IGSF11: variants seen among roughly 807,000 people sequenced by gnomAD.
IGSF11 encodes the protein CXADR like 1.
A neutral mutation model predicts 41.0 loss-of-function variants in IGSF11; 22 were observed. That is an observed-to-expected ratio of 0.54 (90% CI 0.38 to 0.77). The LOEUF is 0.77. Among genes scored for constraint, IGSF11 ranks in the 30% least tolerant of loss-of-function variants. IGSF11 has a pLI of 0.00. For synonymous variants in IGSF11, 219 were observed against 201.3 expected (o/e 1.09, Z -0.74); for missense variants, 444 against 530.8 (o/e 0.84, Z 1.61).
At chr3:118,974,419 T>G (rs1459464520) in intron 1 of IGSF11, among the ~76,000 whole-genome samples, 1 of 152,192 alleles carries the variant, frequency 6.6e-6, no homozygotes, top group Non-Finnish European at 1.5e-5. Flanking sequence ...ACTAATGTGT[T>G]GGCAATTGCA....
upstream of IGSF11, among the ~76,000 whole-genome samples, chr3:119,105,442 C>T (rs976118646): frequency 2.6e-5 from 4 of 152,068 alleles, no homozygotes; most frequent in Admixed American, 1.3e-4. Context: ...TATGGGATTA[C>T]CCACAGTTGT....
chr3:119,109,585 T>A (rs1261873938), upstream of IGSF11, among the ~76,000 whole-genome samples: 1 of 152,150 alleles, frequency 6.6e-6, no homozygotes, highest in Non-Finnish European at 1.5e-5. Flanking sequence ...GTGTCTCTAT[T>A]TCCTTCAGTT....
At chr3:118,956,191 C>T (rs1944945647) in intron 1 of IGSF11, among the ~76,000 whole-genome samples, 3 of 152,196 alleles carry the variant, frequency 2.0e-5, no homozygotes. Flanking sequence ...TAGGTTTTGG[C>T]TTACAGAAAT....
intron 1 of IGSF11, among the ~76,000 whole-genome samples, chr3:118,988,469 AAC>A (rs1368213265): frequency 6.6e-6 from 1 of 152,202 alleles, no homozygotes; most frequent in East Asian, 1.9e-4. Context: ...ACCATAGCAG[AAC>A]ACTTTTCCAA....
chr3:119,125,789 G>T (rs1236343087), intron 1 of IGSF11, among the ~76,000 whole-genome samples: 2 of 152,178 alleles, frequency 1.3e-5, no homozygotes, highest in African/African-American at 4.8e-5. Flanking sequence ...GGAGAGCAGT[G>T]TGGTGCTGCA....
Position 118,962,007 on chromosome 3 carries a change from A to T in IGSF11, c.53-31732T>A, listed in dbSNP as rs72968622. On this transcript the variant is annotated intron_variant, in intron 1 of 6. Transcript: ENST00000393775. Reference sequence around the variant, plus strand: ...AACACTAATTATATGTGATTTACAGATAGGTAATTATATGGCCTGGACTCT... The same window carrying T: ...AACACTAATTATATGTGATTTACAGTTAGGTAATTATATGGCCTGGACTCT... 5.0e-3 allele frequency among the ~76,000 whole-genome samples: 761 copies of T among 152,338 alleles called. 5 individuals are homozygous for T. The highest frequency in any genetic ancestry group is 0.017 in the African/African-American group (716 of 41,574).
chr3:119,053,665 A>G (rs1376719764), intron 1 of IGSF11, among the ~76,000 whole-genome samples: 2 of 152,180 alleles, frequency 1.3e-5, no homozygotes, highest in African/African-American at 4.8e-5. Flanking sequence ...AGAAAAAATA[A>G]TCCTAAAATT....
rs566089801 is a variant in IGSF11, at chr3:118,926,370, A to G, written c.425-114T>C. ...CCTTAGATTACACTGTTTTGGGAAC[A>G]TATACCAGGAGACAGACTCACCGCC... is the stretch of plus-strand genomic sequence containing the variant. On this transcript the variant is annotated intron_variant, in intron 3 of 6. Coordinates refer to ENST00000393775, the MANE Select transcript of IGSF11 (RefSeq NM_001015887.3). 1,218 of 839,196 alleles carry G rather than the reference A, an allele frequency of 1.5e-3. 1 individual carries two copies. The highest frequency in any genetic ancestry group is 1.9e-3 in the Non-Finnish European group (1,103 of 575,260). 52.0% of individuals were successfully genotyped at this position (839,196 alleles called of 1,614,324 possible). A position where few individuals can be genotyped will look rare whatever the true frequency, so the allele number is the denominator to read the frequency against.
At chr3:118,968,857 C>T (rs769131894) in intron 1 of IGSF11, among the ~76,000 whole-genome samples, 1 of 152,190 alleles carries the variant, frequency 6.6e-6, no homozygotes. Flanking sequence ...TTGTCAGAGA[C>T]GGGAACAGTG....
intron 3 of IGSF11, among the ~76,000 whole-genome samples, chr3:118,927,425 A>G (rs1559909626): frequency 6.6e-6 from 1 of 152,190 alleles, no homozygotes; most frequent in Non-Finnish European, 1.5e-5. Flanking sequence ...AGTACACTAT[A>G]CTCGGTACTC....
chr3:119,096,112 A>C (rs2076845638), intron 1 of IGSF11, among the ~76,000 whole-genome samples: 1 of 152,146 alleles, frequency 6.6e-6, no homozygotes, highest in Non-Finnish European at 1.5e-5. Flanking sequence ...TTTAGTACTT[A>C]GTAGAAACTC....
chr3:118,999,034 G>C (rs1304757726), intron 1 of IGSF11, among the ~76,000 whole-genome samples: 1 of 151,930 alleles, frequency 6.6e-6, no homozygotes, highest in Non-Finnish European at 1.5e-5. Flanking sequence ...TACTTGTGTA[G>C]GAAATGGGGG....
rs1944154974 is a variant in IGSF11 at position 118,946,487 on chromosome 3, C to A, written c.53-16212G>T. On this transcript the variant is annotated intron_variant, in intron 1 of 6. Coordinates refer to ENST00000393775, the MANE Select transcript of IGSF11 (RefSeq NM_001015887.3). Reference sequence around the variant, plus strand: ...GAAGAAGAGGAGGAAAGAAAGAAATCTTTTGAGGCCCAACAAACAGATTTC... The same window carrying A: ...GAAGAAGAGGAGGAAAGAAAGAAATATTTTGAGGCCCAACAAACAGATTTC... Among the ~76,000 whole-genome samples the A allele has an allele frequency of 1.3e-5, 2 of 151,386 alleles. 1 individual carries two copies. Among genetic ancestry groups the A allele is most frequent in the South Asian group, 4.2e-4 (2 of 4,800 alleles).
chr3:119,087,145 GA>G (rs1262175366), intron 1 of IGSF11, among the ~76,000 whole-genome samples: 3 of 152,072 alleles, frequency 2.0e-5, no homozygotes, highest in Non-Finnish European at 4.4e-5. Context: ...TAAAAATTAA[GA>G]AGGACAATGT....
chr3:119,016,761 C>T (rs1938736522), intron 1 of IGSF11, among the ~76,000 whole-genome samples: 1 of 152,124 alleles, frequency 6.6e-6, no homozygotes, highest in Admixed American at 6.5e-5. Flanking sequence ...ATCTCCCACC[C>T]TCCTCCCTCC....
At chr3:119,141,216 AT>A (rs1231092536) in intron 1 of IGSF11, among the ~76,000 whole-genome samples, 2 of 151,918 alleles carry the variant, frequency 1.3e-5, no homozygotes, top group Non-Finnish European at 2.9e-5. Flanking sequence ...ATACTTTGAG[AT>A]AAATCCAAAT....
intron 1 of IGSF11, among the ~76,000 whole-genome samples, chr3:118,969,181 C>T (rs547844206): frequency 6.6e-6 from 1 of 151,824 alleles, no homozygotes; most frequent in Non-Finnish European, 1.5e-5. Context: ...ATGCAAGTGC[C>T]AAGTGGTAAA....
intron 1 of IGSF11, among the ~76,000 whole-genome samples, chr3:119,121,661 TA>T (rs1469843267): frequency 6.6e-6 from 1 of 152,052 alleles, no homozygotes; most frequent in Non-Finnish European, 1.5e-5. Context: ...AATTTGTGAC[TA>T]AAAACTCTGA....
At chr3:119,053,945 G>T (rs1053302394) in intron 1 of IGSF11, among the ~76,000 whole-genome samples, 1 of 152,110 alleles carries the variant, frequency 6.6e-6, no homozygotes, top group African/African-American at 2.4e-5. Context: ...AAATGGTGCT[G>T]GGATAAATGG....
Sources: gnomAD v4.1 joint callset for allele counts (sites outside exome capture counted in the v4.1 genomes callset) on GRCh38, gnomAD v4.1.1 for gene constraint, MANE v1.5 for transcripts, NCBI Gene and HGNC (gene_info 2026-07-23, HGNC 2026-07-21) for gene names.